PEX13: variants seen among roughly 807,000 people sequenced by gnomAD.
PEX13 encodes peroxisome biogenesis factor 13.
Under a neutral mutation model 34.5 loss-of-function variants are expected in PEX13, and 28 were observed. The ratio of observed to expected loss-of-function variants is 0.81; its 90% CI spans 0.60 to 1.11. The LOEUF (loss-of-function observed/expected upper bound fraction) is 1.11, where lower values mean the gene tolerates loss of function less well. Ranked by LOEUF, PEX13 falls within the 50% of genes most tolerant of loss-of-function variation. The pLI is 0.00. For synonymous variants in PEX13, 177 were observed against 175.1 expected, an observed-to-expected ratio of 1.01 and a Z score of -0.09; for missense variants, 550 against 491.0, an observed-to-expected ratio of 1.12 and a Z score of -1.13.
intron 2 of PEX13, among the ~76,000 whole-genome samples, chr2:61,040,982 G>A (rs1680617215): frequency 6.6e-6 from 1 of 151,960 alleles, no homozygotes; most frequent in African/African-American, 2.4e-5. Context: ...CAAGTGAGAA[G>A]TGATGGTGGC....
Position 61,051,782 on chromosome 2 carries a change from A to G in PEX13, c.*3012A>G, listed in dbSNP as rs144691386. 2.7e-3 allele frequency: 411 copies of G among 152,454 alleles called. 2 individuals carry two copies. The highest frequency in any genetic ancestry group is 8.4e-3 in the African/African-American group (348 of 41,580). The allele number at this position is 152,454 out of a possible 1,614,324, so 9.4% of individuals were successfully genotyped here. A position where few individuals can be genotyped will look rare whatever the true frequency, so the allele number is the denominator to read the frequency against. On this transcript the variant is annotated 3_prime_UTR_variant, in exon 4 of 4. Coordinates refer to ENST00000295030, the MANE Select transcript of PEX13 (RefSeq NM_002618.4). ...TTATGAGTTCAGAAAGGAAATGGTA[A>G]AAGAACTATACATTTTCATGTTTTA...
chr2:61,021,337 G>A (rs562101901), intron 1 of PEX13, among the ~76,000 whole-genome samples: 1 of 152,284 alleles, frequency 6.6e-6, no homozygotes, highest in East Asian at 1.9e-4. Flanking sequence ...TTTTTCCACA[G>A]TCTTAGCAAC....
At chr2:61,033,085 AAGTC>A (rs569256650) in intron 2 of PEX13, among the ~76,000 whole-genome samples, 138 of 152,292 alleles carry the variant, frequency 9.1e-4, no homozygotes, top group Non-Finnish European at 1.7e-3. Flanking sequence ...GTAAACGAAA[AAGTC>A]AGTCTGAAGG....
At chr2:61,044,207 A>T (rs1049864880) in intron 2 of PEX13, among the ~76,000 whole-genome samples, 1 of 152,058 alleles carries the variant, frequency 6.6e-6, no homozygotes, top group Non-Finnish European at 1.5e-5. Flanking sequence ...TTAGCGTCCC[A>T]AAGTGCTGAG....
At chr2:61,043,551 T>G (rs768823987) in intron 2 of PEX13, among the ~76,000 whole-genome samples, 5 of 152,138 alleles carry the variant, frequency 3.3e-5, no homozygotes, top group Admixed American at 6.5e-5. Flanking sequence ...TGGTGAAAAT[T>G]CTAGGTGGAG....
At chr2:61,034,512 A>G (rs1680503164) in intron 2 of PEX13, among the ~76,000 whole-genome samples, 1 of 152,176 alleles carries the variant, frequency 6.6e-6, no homozygotes, top group Non-Finnish European at 1.5e-5. Context: ...GCATCGCTTC[A>G]CCCAGGAAGC....
chr2:61,047,251 G>A (rs934851853), intron 3 of PEX13, among the ~76,000 whole-genome samples: 1 of 152,076 alleles, frequency 6.6e-6, no homozygotes, highest in East Asian at 1.9e-4. Flanking sequence ...CGCCTCCCGG[G>A]TTCAAGTGAT....
At chr2:61,036,608 A>C (rs1680539781) in intron 2 of PEX13, among the ~76,000 whole-genome samples, 1 of 152,234 alleles carries the variant, frequency 6.6e-6, no homozygotes, top group South Asian at 2.1e-4. Flanking sequence ...CCTGCCTTAC[A>C]AAAGCTTCTG....
At chr2:61,034,207 G>A (rs1246723179) in intron 2 of PEX13, among the ~76,000 whole-genome samples, 1 of 152,118 alleles carries the variant, frequency 6.6e-6, no homozygotes, top group Non-Finnish European at 1.5e-5. Context: ...GTGTTGCCCA[G>A]ACTGGTCTCA....
chr2:61,027,375 A>G (rs1453321219), intron 1 of PEX13, among the ~76,000 whole-genome samples: 1 of 151,820 alleles, frequency 6.6e-6, no homozygotes, highest in Non-Finnish European at 1.5e-5. Context: ...ACACACACAA[A>G]AACAGCGAGT....
intron 2 of PEX13, among the ~76,000 whole-genome samples, chr2:61,043,404 A>C (rs577006736): frequency 1.3e-5 from 2 of 152,118 alleles, no homozygotes; most frequent in Non-Finnish European, 2.9e-5. Flanking sequence ...TGAGAAATCA[A>C]TGGTGAATTG....
chr2:61,032,131 G>A lies in PEX13; in HGVS notation c.787+18G>A. On this transcript the variant is annotated intron_variant, in intron 2 of 3. Transcript: ENST00000295030. ...AGTAACAGGTAAGAGAACTGTAAGG[G>A]AACAGGTTCAGATACCATATAACAA... 1.3e-6 allele frequency: 2 copies of A among 1,526,704 alleles called. No homozygotes were observed. Among genetic ancestry groups the A allele is most frequent in the African/African-American group, 1.4e-5 (1 of 73,250 alleles). The allele number at this position is 1,526,704 out of a possible 1,614,324, so 94.6% of individuals were successfully genotyped here.
At position 61,051,508 on chromosome 2, in the gene PEX13, G is replaced by A. The variant is rs1680799189; in HGVS notation, c.*2738G>A. On this transcript the variant is annotated 3_prime_UTR_variant, in exon 4 of 4. Transcript: ENST00000295030. The stretch of plus-strand genomic sequence containing the variant: ...CTATTTGTGCCTGAAAATTCGTTTT[G>A]TATTAAAATTCTGGAGAAGGAATTC... 1 of 152,298 alleles carries A rather than the reference G, an allele frequency of 6.6e-6. No individual in the cohort carries two copies. The highest frequency in any genetic ancestry group is 6.5e-5 in the Admixed American group (1 of 15,286). 9.4% of individuals were successfully genotyped at this position (152,298 alleles called of 1,614,324 possible).
At chr2:61,024,685 T>TGGGAGTA (rs1295059540) in intron 1 of PEX13, among the ~76,000 whole-genome samples, 1 of 152,104 alleles carries the variant, frequency 6.6e-6, no homozygotes, top group Non-Finnish European at 1.5e-5. Flanking sequence ...GGTGGGCGCC[T>TGGGAGTA]GTAGTCCCAG....
intron 1 of PEX13, among the ~76,000 whole-genome samples, chr2:61,019,928 TA>T (rs1680221441): frequency 6.6e-6 from 1 of 152,210 alleles, no homozygotes; most frequent in Non-Finnish European, 1.5e-5. Flanking sequence ...TTGTATAAGC[TA>T]CAATTGGTGG....
intron 2 of PEX13, among the ~76,000 whole-genome samples, chr2:61,038,567 A>T (rs1680571837): frequency 6.6e-6 from 1 of 152,256 alleles, no homozygotes. Flanking sequence ...CCTTCATGCT[A>T]AAAGCTCTCA....
Position 61,049,804 on chromosome 2 carries a change from A to G in PEX13, c.*1034A>G, listed in dbSNP as rs1272992679. The G allele has an allele frequency of 6.6e-6, 1 of 152,294 alleles. No homozygotes were observed. Among genetic ancestry groups the G allele is most frequent in the African/African-American group, 2.4e-5 (1 of 41,458 alleles). 9.4% of individuals were successfully genotyped at this position (152,294 alleles called of 1,614,324 possible). A position where few individuals can be genotyped will look rare whatever the true frequency, so the allele number is the denominator to read the frequency against. ...AAATAAAATTATTTATTTCTTTAAA[A>G]TATGACTAGTTTTCATACTGGGTGA... On this transcript the variant is annotated 3_prime_UTR_variant, in exon 4 of 4. Coordinates refer to ENST00000295030, the MANE Select transcript of PEX13 (RefSeq NM_002618.4).
intron 2 of PEX13, among the ~76,000 whole-genome samples, chr2:61,038,320 C>T (rs565957246): frequency 1.3e-5 from 2 of 152,276 alleles, no homozygotes; most frequent in African/African-American, 4.8e-5. Flanking sequence ...AATTGTAGGC[C>T]AGTATCCCTG....
At position 61,045,867 on chromosome 2, in the gene PEX13, T is replaced by A; in HGVS notation, c.913+16T>A. 1.3e-6 allele frequency: 2 copies of A among 1,598,484 alleles called. No homozygotes were observed. The highest frequency in any genetic ancestry group is 1.7e-6 in the Non-Finnish European group (2 of 1,165,922). ...GCTCTCAAAGGTAATAAATTATGAA[T>A]AAGTTGGAATTATCTGTAAATTTTG... On this transcript the variant is annotated intron_variant, in intron 3 of 3. Coordinates refer to ENST00000295030, the MANE Select transcript of PEX13 (RefSeq NM_002618.4).
Sources: allele counts gnomAD v4.1 joint callset (sites outside exome capture counted in the v4.1 genomes callset), GRCh38; gene constraint gnomAD v4.1.1; transcripts MANE v1.5; gene names NCBI Gene and HGNC (gene_info 2026-07-23, HGNC 2026-07-21).